The following SLC25A24 variants were observed in gnomAD, a reference collection of about 807,000 sequenced individuals.
SLC25A24 encodes mitochondrial adenyl nucleotide antiporter SLC25A24.
Under a neutral mutation model 60.7 loss-of-function variants are expected in SLC25A24, and 49 were observed. The observed-to-expected ratio is 0.81, with a 90% CI of 0.64 to 1.02. The LOEUF is 1.02. Ranked by LOEUF, SLC25A24 falls within the 50% of genes least tolerant of loss-of-function variation. The probability of loss-of-function intolerance (pLI) is 0.00; values close to 1 mark genes in which losing one functional copy is unlikely to be tolerated. For synonymous variants in SLC25A24, 202 were observed against 200.6 expected (o/e 1.01, Z -0.06); for missense variants, 564 against 586.3 (o/e 0.96, Z 0.39).
chr1:108,192,814 G>C, intron 1 of SLC25A24: 1 of 1,246,424 alleles, frequency 8.0e-7, no homozygotes, highest in Non-Finnish European at 1.0e-6. Context: ...CATCCTAACG[G>C]CTTCAGCGCA....
chr1:108,193,147 C>G lies in SLC25A24; in HGVS notation c.183+6809G>C, dbSNP rs975236067. Among the ~76,000 whole-genome samples the G allele has an allele frequency of 4.3e-5, 6 of 139,870 alleles. 1 individual carries two copies. Among genetic ancestry groups the G allele is most frequent in the Non-Finnish European group, 9.4e-5 (6 of 63,798 alleles). The allele number at this position is 139,870 out of a possible 152,430, so 91.8% of individuals were successfully genotyped here. A position where few individuals can be genotyped will look rare whatever the true frequency, so the allele number is the denominator to read the frequency against. ...TGTTTGGCTGCACCTGTCTAGGAATCCTTCTTTTTAAAAATCCTTATAATG... is the reference window on the plus strand; with the variant it reads ...TGTTTGGCTGCACCTGTCTAGGAATGCTTCTTTTTAAAAATCCTTATAATG... On this transcript the variant is annotated intron_variant, in intron 1 of 9. Coordinates refer to ENST00000565488, the MANE Select transcript of SLC25A24 (RefSeq NM_013386.5).
At chr1:108,159,467 T>G (rs1476494992) in intron 4 of SLC25A24, among the ~76,000 whole-genome samples, 1 of 146,152 alleles carries the variant, frequency 6.8e-6, no homozygotes, top group Admixed American at 7.5e-5. Context: ...TTGGGTTGTT[T>G]TTTTTTTTTT....
At position 108,138,935 on chromosome 1, in the gene SLC25A24, G is replaced by GA. The variant is rs1174553264; in HGVS notation, c.1249+122dup. 101 of 1,006,850 alleles carry GA rather than the reference G, an allele frequency of 1.0e-4. 1 individual carries two copies. Among genetic ancestry groups the GA allele is most frequent in the Non-Finnish European group, 1.3e-4 (94 of 727,656 alleles). 62.4% of individuals were successfully genotyped at this position (1,006,850 alleles called of 1,614,324 possible). A position where few individuals can be genotyped will look rare whatever the true frequency, so the allele number is the denominator to read the frequency against. On this transcript the variant is annotated intron_variant, in intron 9 of 9. Transcript: ENST00000565488. ...AAAGATTCCTTAAGGAGGCAATAATGAAAAAAAGGTTGAGAAATACTGTCT... is the reference window on the plus strand; with the variant it reads ...AAAGATTCCTTAAGGAGGCAATAATGAAAAAAAAGGTTGAGAAATACTGTCT...
At chr1:108,148,220 G>T in intron 7 of SLC25A24, 59 bp downstream of exon 7, 1 of 985,566 alleles carries the variant, frequency 1.0e-6, no homozygotes, top group Non-Finnish European at 1.6e-6. Context: ...ACTTGTTAGA[G>T]AGCAATAGAC....
intron 3 of SLC25A24, among the ~76,000 whole-genome samples, chr1:108,176,152 A>T (rs995551965): frequency 6.6e-6 from 1 of 152,204 alleles, no homozygotes; most frequent in African/African-American, 2.4e-5. Context: ...GAGTGACCAC[A>T]AAGAGAAAGG....
intron 1 of SLC25A24, among the ~76,000 whole-genome samples, chr1:108,195,948 C>T (rs761284793): frequency 1.3e-4 from 19 of 150,042 alleles, no homozygotes; most frequent in African/African-American, 3.0e-4. Context: ...TGCAGTGAGC[C>T]GAGATCGCAC....
chr1:108,158,252 T>C (rs1036443377), intron 4 of SLC25A24, among the ~76,000 whole-genome samples: 93 of 152,302 alleles, frequency 6.1e-4, no homozygotes, highest in Non-Finnish European at 1.8e-4. Context: ...TCATCACCCC[T>C]TCAACCTATT....
At chr1:108,163,551 G>T (rs986220396) in intron 3 of SLC25A24, among the ~76,000 whole-genome samples, 5 of 152,012 alleles carry the variant, frequency 3.3e-5, no homozygotes, top group African/African-American at 1.2e-4. Flanking sequence ...TATTCTCTTT[G>T]TAGCAATTGT....
In SLC25A24 at chr1:108,193,716, C is replaced by T. The variant is rs115454951; in HGVS notation, c.183+6240G>A. Among the ~76,000 whole-genome samples the T allele has an allele frequency of 5.0e-5, 7 of 140,014 alleles. 2 individuals carry two copies. Among genetic ancestry groups the T allele is most frequent in the African/African-American group, 1.5e-4 (6 of 40,270 alleles). The allele number at this position is 140,014 out of a possible 152,430, so 91.9% of individuals were successfully genotyped here. On this transcript the variant is annotated intron_variant, in intron 1 of 9. Coordinates refer to ENST00000565488, the MANE Select transcript of SLC25A24 (RefSeq NM_013386.5). ...CTTTCTTCTGTGACACCTCCCCTCA[C>T]AGTTTTTTATCTTTTATCTTCATCC...
At chr1:108,177,882 T>C (rs1213405318) in intron 3 of SLC25A24, among the ~76,000 whole-genome samples, 1 of 152,086 alleles carries the variant, frequency 6.6e-6, no homozygotes, top group Non-Finnish European at 1.5e-5. Flanking sequence ...TACCAAACAT[T>C]GGCCAGGGGT....
At chr1:108,172,805 C>T (rs1281037623) in intron 3 of SLC25A24, among the ~76,000 whole-genome samples, 2 of 152,130 alleles carry the variant, frequency 1.3e-5, no homozygotes, top group East Asian at 3.8e-4. Context: ...AATGGCTTAG[C>T]ACTTGAGGGA....
chr1:108,153,519 C>T (rs1253400529), intron 6 of SLC25A24, among the ~76,000 whole-genome samples: 5 of 152,140 alleles, frequency 3.3e-5, no homozygotes, highest in Admixed American at 2.6e-4. Context: ...GAGGAACTGG[C>T]TTTGATTGAG....
chr1:108,140,219 C>T (rs1239718352), intron 8 of SLC25A24, among the ~76,000 whole-genome samples: 1 of 151,854 alleles, frequency 6.6e-6, no homozygotes, highest in Non-Finnish European at 1.5e-5. Context: ...CAATGGAAAT[C>T]TTGCAGGTTA....
Position 108,139,134 on chromosome 1 carries a change from G to T in SLC25A24, c.1173C>A (p.Cys391Ter), listed in dbSNP as rs144919358. The T allele has an allele frequency of 4.5e-5, 73 of 1,610,396 alleles. No individual in the cohort carries two copies. The highest frequency in any genetic ancestry group is 6.1e-5 in the Non-Finnish European group (72 of 1,178,286). The change falls in exon 9 of 10, where the codon TGC becomes TGA. Residue 391 changes from cysteine (C) to a stop codon, truncating the protein, a stop_gained. Coordinates refer to ENST00000565488, the MANE Select transcript of SLC25A24 (RefSeq NM_013386.5). LOFTEE classifies it high-confidence loss of function. ...VNPGVMVLLG[C>*]GALSSTCGQL... is the part of the protein sequence containing the mutation. ...GACCACAGGTGCTGGATAAGGCACC[G>T]CATCCCAGCAACACCATGACTCCAG...
rs1344673006 is a variant in SLC25A24, at chr1:108,155,056, A to C, written c.749T>G (p.Leu250Arg). ...QMVKEGGIRS[L>R]WRGNGTNVIK... The stretch of plus-strand genomic sequence containing the variant: ...GACGTTTGTACCATTTCCCCTCCAA[A>C]GCGAGCGGATACCTCCTTCTTTTAC... Residue 250 changes from leucine to arginine, a missense_variant, in exon 6 of 10, where the codon CTT (leucine) becomes CGT (arginine). Leu to Arg is a moderately radical substitution (Grantham distance 102). Coordinates refer to ENST00000565488, the MANE Select transcript of SLC25A24 (RefSeq NM_013386.5). 1 of 1,612,910 alleles carries C rather than the reference A, an allele frequency of 6.2e-7. No individual in the cohort carries two copies. Among genetic ancestry groups the C allele is most frequent in the Non-Finnish European group, 8.5e-7 (1 of 1,179,314 alleles).
At chr1:108,193,346 C>G (rs1055361347) in intron 1 of SLC25A24, among the ~76,000 whole-genome samples, 3 of 137,470 alleles carry the variant, frequency 2.2e-5, no homozygotes, top group Non-Finnish European at 3.2e-5. Flanking sequence ...CTCCCTCCCC[C>G]CTTTTGGAGT....
chr1:108,138,329 G>A (rs1231422465), intron 9 of SLC25A24, among the ~76,000 whole-genome samples: 1 of 152,180 alleles, frequency 6.6e-6, no homozygotes, highest in Non-Finnish European at 1.5e-5. Context: ...CACTTGGAAG[G>A]GAGGTTGGGA....
chr1:108,167,962 G>A (rs1231995744), intron 3 of SLC25A24, among the ~76,000 whole-genome samples: 1 of 152,142 alleles, frequency 6.6e-6, no homozygotes, highest in Admixed American at 6.5e-5. Context: ...AACTCTGAGT[G>A]TACCAGGATT....
At chr1:108,160,005 C>T (rs1680014346) in intron 4 of SLC25A24, among the ~76,000 whole-genome samples, 1 of 152,098 alleles carries the variant, frequency 6.6e-6, no homozygotes. Context: ...GGGGTGGTGG[C>T]CGGGCAGAGG....
Sources: allele counts gnomAD v4.1 joint callset (sites outside exome capture counted in the v4.1 genomes callset), GRCh38; gene constraint gnomAD v4.1.1; transcripts MANE v1.5; gene names NCBI Gene and HGNC (gene_info 2026-07-23, HGNC 2026-07-21).